NSF: variants seen among roughly 807,000 people sequenced by gnomAD.
NSF encodes N-ethylmaleimide sensitive factor, vesicle fusing ATPase.
Under a neutral mutation model 50.3 loss-of-function variants are expected in NSF, and 14 were observed. That is an observed-to-expected ratio of 0.28 (90% CI 0.18 to 0.44). The LOEUF is 0.44. Among genes scored for constraint, NSF ranks in the 20% least tolerant of loss-of-function variants. NSF has a pLI of 1.00. For missense variants in NSF, 218 were observed against 504.3 expected, an observed-to-expected ratio of 0.43 and a Z score of 5.44; for synonymous variants, 109 against 175.7, an observed-to-expected ratio of 0.62 and a Z score of 3.00.
At chr17:46,735,614 A>G (rs915174633) in intron 17 of NSF, among the ~76,000 whole-genome samples, 2 of 152,152 alleles carry the variant, frequency 1.3e-5, no homozygotes, top group African/African-American at 2.4e-5. Context: ...AGGGTCAGCT[A>G]AGATAATGTG....
chr17:46,731,463 A>G (rs998344850), intron 17 of NSF, among the ~76,000 whole-genome samples: 4 of 152,246 alleles, frequency 2.6e-5, no homozygotes, highest in South Asian at 4.1e-4. Context: ...ACTGAATTGT[A>G]CACTTTAAAT....
intron 9 of NSF, among the ~76,000 whole-genome samples, chr17:46,678,751 G>A (rs1353143128): frequency 8.1e-6 from 1 of 123,076 alleles, no homozygotes; most frequent in African/African-American, 3.2e-5. Context: ...ATCTTAAAAG[G>A]AGCTAGAGAG....
At chr17:46,691,363 G>A (rs1316937409) in intron 9 of NSF, among the ~76,000 whole-genome samples, 1 of 102,948 alleles carries the variant, frequency 9.7e-6, no homozygotes, top group Non-Finnish European at 1.9e-5. Context: ...GGGAGGCTGC[G>A]CTGAGTGAAT....
At chr17:46,749,637 G>T in intron 17 of NSF, 136 bp from the exon 18 acceptor site, 1 of 767,356 alleles carries the variant, frequency 1.3e-6, no homozygotes. Context: ...ATCCTGAATT[G>T]TTTTCTTCTG....
At chr17:46,744,951 G>GCTTTTT (rs71363598) in intron 17 of NSF, among the ~76,000 whole-genome samples, 2,294 of 152,222 alleles carry the variant, frequency 0.015, 68 homozygotes, top group African/African-American at 0.049. Flanking sequence ...TTTTACTTAG[G>GCTTTTT]CTTTTTCTTT....
chr17:46,711,016 CA>C lies in NSF; in HGVS notation c.1527del (p.Lys509AsnfsTer10). On this transcript the variant is annotated frameshift_variant, in exon 14 of 21. Transcript: ENST00000398238. LOFTEE classifies it high-confidence loss of function. ...CAAGTTACATTATGAACGGTATCAT[CA>C]AATGGGGTGACCCAGTTACTCGAGT... ...YASYIMNGII[K>X]WGDPVTRVLD... 1 of 1,593,956 alleles carries C rather than the reference CA, an allele frequency of 6.3e-7. No homozygotes were observed. The highest frequency in any genetic ancestry group is 1.2e-5 in the South Asian group (1 of 86,728).
chr17:46,736,056 G>A (rs1403674083), intron 17 of NSF, among the ~76,000 whole-genome samples: 6 of 152,162 alleles, frequency 3.9e-5, no homozygotes, highest in African/African-American at 1.4e-4. Context: ...TAGGAAGTGA[G>A]TTCAGAGCTC....
chr17:46,739,128 G>A (rs1456549917), intron 17 of NSF, among the ~76,000 whole-genome samples: 3 of 152,120 alleles, frequency 2.0e-5, no homozygotes, highest in African/African-American at 7.2e-5. Flanking sequence ...CCAGCACTTT[G>A]GGAGGCCAAG....
Position 46,728,946 on chromosome 17 carries a change from C to G in NSF, c.1908+12C>G, listed in dbSNP as rs62074086. ...AGGCACCTCCTCAGGTAAAATAATA[C>G]TACTAATAAGGAATATTTTAACAAA... On this transcript the variant is annotated intron_variant, in intron 17 of 20. Coordinates refer to ENST00000398238, the MANE Select transcript of NSF (RefSeq NM_006178.4). 3 of 1,479,490 alleles carry G rather than the reference C, an allele frequency of 2.0e-6. No homozygotes were observed. The highest frequency in any genetic ancestry group is 2.8e-5 in the African/African-American group (2 of 71,534). 91.6% of individuals were successfully genotyped at this position (1,479,490 alleles called of 1,614,324 possible).
At chr17:46,748,889 A>T (rs2059155938) in intron 17 of NSF, among the ~76,000 whole-genome samples, 1 of 152,250 alleles carries the variant, frequency 6.6e-6, no homozygotes, top group Non-Finnish European at 1.5e-5. Context: ...AGTACTCTGC[A>T]TGGCCTAGCT....
intron 17 of NSF, among the ~76,000 whole-genome samples, chr17:46,741,979 C>T (rs1299539882): frequency 6.6e-6 from 1 of 152,194 alleles, no homozygotes; most frequent in Non-Finnish European, 1.5e-5. Context: ...TAGTCTCCAA[C>T]TCCTGACCTC....
chr17:46,732,959 G>T (rs1376050742), intron 17 of NSF, among the ~76,000 whole-genome samples: 1 of 152,210 alleles, frequency 6.6e-6, no homozygotes, highest in East Asian at 1.9e-4. Flanking sequence ...TCACACAGAG[G>T]TTTCACATGT....
intron 17 of NSF, among the ~76,000 whole-genome samples, chr17:46,738,828 G>C (rs751212249): frequency 6.6e-6 from 1 of 152,256 alleles, no homozygotes; most frequent in African/African-American, 2.4e-5. Flanking sequence ...GTGGTTGGGC[G>C]CAGTGGCTTA....
intron 9 of NSF, among the ~76,000 whole-genome samples, chr17:46,684,366 G>A (rs1369845246): frequency 8.1e-5 from 12 of 148,800 alleles, no homozygotes; most frequent in African/African-American, 5.0e-5. Flanking sequence ...CTAGTCTATC[G>A]TTGATGGGCA....
At chr17:46,615,674 G>A (rs1226214816) in intron 1 of NSF, among the ~76,000 whole-genome samples, 1 of 36,202 alleles carries the variant, frequency 2.8e-5, no homozygotes, top group Non-Finnish European at 4.9e-5. Context: ...CTGAGATGGC[G>A]CCACTGCACT....
intron 8 of NSF, among the ~76,000 whole-genome samples, chr17:46,658,076 G>T (rs1598661286): frequency 6.6e-5 from 1 of 15,044 alleles, no homozygotes; most frequent in Non-Finnish European, 9.3e-5. Context: ...GTTTTGCTCT[G>T]TTACCCAGGC....
At chr17:46,749,015 T>G (rs1027248559) in intron 17 of NSF, among the ~76,000 whole-genome samples, 4 of 152,182 alleles carry the variant, frequency 2.6e-5, no homozygotes, top group Non-Finnish European at 4.4e-5. Flanking sequence ...AGGGGGGTAG[T>G]GCAAAATTAA....
chr17:46,736,623 TAAA>T (rs2059008209), intron 17 of NSF, among the ~76,000 whole-genome samples: 1 of 152,152 alleles, frequency 6.6e-6, no homozygotes, highest in African/African-American at 2.4e-5. Flanking sequence ...CAGGAAAAAA[TAAA>T]AAATGTGTAT....
chr17:46,721,147 G>T (rs544523328), intron 15 of NSF, among the ~76,000 whole-genome samples: 1 of 152,286 alleles, frequency 6.6e-6, no homozygotes, highest in South Asian at 2.1e-4. Flanking sequence ...AGTGCATGTG[G>T]CACACTCTTG....
Sources: allele counts gnomAD v4.1 joint callset (sites outside exome capture counted in the v4.1 genomes callset), GRCh38; gene constraint gnomAD v4.1.1; transcripts MANE v1.5; gene names NCBI Gene and HGNC (gene_info 2026-07-23, HGNC 2026-07-21).